SLCO1C1: variants seen among roughly 807,000 people sequenced by gnomAD.
SLCO1C1 encodes the protein OAT-RP-5.
SLCO1C1 carries 70 observed loss-of-function variants against 76.4 expected under a neutral mutation model. The ratio of observed to expected loss-of-function variants is 0.92; its 90% CI spans 0.76 to 1.12. The LOEUF is 1.12. Ranked by LOEUF, SLCO1C1 falls within the 50% of genes most tolerant of loss-of-function variation. The pLI is 0.00. For missense variants in SLCO1C1, 912 were observed against 823.8 expected, an observed-to-expected ratio of 1.11 and a Z score of -1.31; for synonymous variants, 306 against 286.1, an observed-to-expected ratio of 1.07 and a Z score of -0.70.
Position 20,752,293 on chromosome 12 carries a change from T to C in SLCO1C1, c.1917-13T>C, listed in dbSNP as rs765407179. The C allele has an allele frequency of 3.4e-6, 5 of 1,486,430 alleles. No individual in the cohort carries two copies. In the African/African-American group the frequency reaches 7.0e-5, roughly 21 times the overall value. The allele number at this position is 1,486,430 out of a possible 1,614,324, so 92.1% of individuals were successfully genotyped here. ...GTTGCATTAATTATAACAGAGATTC[T>C]CTCTTCTTCTAGACATATATATCTG... On this transcript the variant is annotated splice_polypyrimidine_tract_variant and intron_variant, in intron 14 of 14. Coordinates refer to ENST00000266509, the MANE Select transcript of SLCO1C1 (RefSeq NM_017435.5).
At chr12:20,702,752 A>T (rs1946582060) in intron 3 of SLCO1C1, among the ~76,000 whole-genome samples, 1 of 151,896 alleles carries the variant, frequency 6.6e-6, no homozygotes, top group African/African-American at 2.4e-5. Flanking sequence ...TGAGAGAAAA[A>T]CAAGGAGAAA....
At chr12:20,712,441 A>C (rs1947155479) in intron 5 of SLCO1C1, among the ~76,000 whole-genome samples, 1 of 152,082 alleles carries the variant, frequency 6.6e-6, no homozygotes, top group Non-Finnish European at 1.5e-5. Flanking sequence ...GTAGCCATGA[A>C]TTTGTCCATA....
chr12:20,725,693 G>A (rs1219746939), intron 9 of SLCO1C1, among the ~76,000 whole-genome samples: 1 of 150,184 alleles, frequency 6.7e-6, no homozygotes, highest in Non-Finnish European at 1.5e-5. Flanking sequence ...GTCAGAGGGA[G>A]AATATGTGTT....
In SLCO1C1 at chr12:20,723,046, C is replaced by A. The variant is rs755472313; in HGVS notation, c.1022-44C>A. The stretch of plus-strand genomic sequence containing the variant: ...CAGCACGGCTACTTCTTCTTCCATG[C>A]GTGACACCAACTTTAATTAGTCTAT... On this transcript the variant is annotated intron_variant, in intron 8 of 14. Coordinates refer to ENST00000266509, the MANE Select transcript of SLCO1C1 (RefSeq NM_017435.5). 3.9e-6 allele frequency: 6 copies of A among 1,547,230 alleles called. No homozygotes were observed. In the South Asian group the frequency reaches 4.7e-5, roughly 12 times the overall value.
At chr12:20,751,607 A>G (rs551009892) in intron 14 of SLCO1C1, among the ~76,000 whole-genome samples, 58 of 152,254 alleles carry the variant, frequency 3.8e-4, no homozygotes, top group Non-Finnish European at 6.3e-4. Context: ...AAGGGACCCA[A>G]TCTGTGAGTA....
chr12:20,722,632 T>C (rs1947734662), intron 8 of SLCO1C1, among the ~76,000 whole-genome samples: 1 of 152,228 alleles, frequency 6.6e-6, no homozygotes. Context: ...CCAATGCTCA[T>C]TTCTAACACT....
chr12:20,715,270 G>T lies in SLCO1C1; in HGVS notation c.661G>T (p.Ala221Ser). 6.2e-7 allele frequency: 1 copy of T among 1,613,948 alleles called. No homozygotes were observed. The highest frequency in any genetic ancestry group is 1.7e-5 in the Admixed American group (1 of 59,994). The change falls in exon 6 of 15, where the codon GCA becomes TCA. Residue 221 changes from alanine (A) to serine (S), a missense_variant. Physicochemically the swap from Ala to Ser is moderately conservative, Grantham distance 99 (BLOSUM62 1). Coordinates refer to ENST00000266509, the MANE Select transcript of SLCO1C1 (RefSeq NM_017435.5). ...YLDDFASEDN[A>S]AFYIGCVQTV... ...GGATGATTTTGCCAGTGAAGACAAT[G>T]CAGCTTTCTATATTGGTAATATTGG... is the stretch of plus-strand genomic sequence containing the variant.
intron 7 of SLCO1C1, among the ~76,000 whole-genome samples, chr12:20,717,648 C>CTTTTTTTTTTTTTTTTTTTT (rs534946900): frequency 2.4e-5 from 1 of 42,324 alleles, no homozygotes; most frequent in Non-Finnish European, 5.0e-5. Context: ...AACAGCCCTT[C>CTTTTTTTTTTTTTTTTTTTT]TTTTTTTTTT....
intron 3 of SLCO1C1, among the ~76,000 whole-genome samples, chr12:20,702,104 T>G (rs117188657): frequency 6.6e-6 from 1 of 152,050 alleles, no homozygotes; most frequent in South Asian, 2.1e-4. Context: ...GTTAGTCTGC[T>G]TCCTGAATTG....
Position 20,721,821 on chromosome 12 carries a change from C to T in SLCO1C1, c.793C>T (p.Pro265Ser). 3.1e-6 allele frequency: 5 copies of T among 1,614,090 alleles called. No individual in the cohort carries two copies. The highest frequency in any genetic ancestry group is 4.2e-6 in the Non-Finnish European group (5 of 1,180,000). Residue 265 changes from proline (P) to serine (S), a missense_variant, in exon 8 of 15, where the codon CCA (proline) becomes TCA (serine). Transcript: ENST00000266509. ...FVNLDHITIT[P>S]KDPQWVGAWW... is the part of the protein sequence containing the mutation. ...TCTTTCAGATCACATAACCATTACC[C>T]CAAAAGATCCCCAGTGGGTAGGAGC...
chr12:20,711,519 AT>A lies in SLCO1C1; in HGVS notation c.529+16del, dbSNP rs200064484. The A allele has an allele frequency of 1.9e-6, 3 of 1,611,852 alleles. No homozygotes were observed. The highest frequency in any genetic ancestry group is 2.2e-5 in the East Asian group (1 of 44,784). On this transcript the variant is annotated intron_variant, in intron 5 of 14. Coordinates refer to ENST00000266509, the MANE Select transcript of SLCO1C1 (RefSeq NM_017435.5). ...ATCCAAAATAAGTAACGGTAAGATC[AT>A]TTTTTTGACTTGACTAAACAAGCTT...
At chr12:20,744,146 C>A (rs1393037666) in intron 13 of SLCO1C1, among the ~76,000 whole-genome samples, 2 of 151,676 alleles carry the variant, frequency 1.3e-5, no homozygotes, top group African/African-American at 4.8e-5. Context: ...GAAAAAGAAA[C>A]AAAAATAGGG....
At chr12:20,744,019 G>A (rs1948933836) in intron 13 of SLCO1C1, among the ~76,000 whole-genome samples, 1 of 151,628 alleles carries the variant, frequency 6.6e-6, no homozygotes, top group Non-Finnish European at 1.5e-5. Flanking sequence ...TGTCAGAAAG[G>A]AACAACCCAG....
chr12:20,752,655 C>A lies in SLCO1C1; in HGVS notation c.*127C>A. 1 of 731,476 alleles carries A rather than the reference C, an allele frequency of 1.4e-6. No individual in the cohort carries two copies. The highest frequency in any genetic ancestry group is 2.8e-5 in the East Asian group (1 of 36,330). 45.3% of individuals were successfully genotyped at this position (731,476 alleles called of 1,614,324 possible). On this transcript the variant is annotated 3_prime_UTR_variant, in exon 15 of 15. Transcript: ENST00000266509. ...CAAAAAATGTCTACTTTGTTTTGGTCCTAGGCATTAGGTAATATAACTGAT... is the reference window on the plus strand; with the variant it reads ...CAAAAAATGTCTACTTTGTTTTGGTACTAGGCATTAGGTAATATAACTGAT...
chr12:20,747,251 AC>A (rs1281333642), intron 13 of SLCO1C1, among the ~76,000 whole-genome samples: 2 of 152,056 alleles, frequency 1.3e-5, no homozygotes, highest in South Asian at 2.1e-4. Flanking sequence ...ACATAGCTAA[AC>A]CCCAATCTCT....
rs774508836 is a variant in SLCO1C1 at position 20,740,189 on chromosome 12, T to A, written c.1554T>A (p.Phe518Leu). 6.2e-7 allele frequency: 1 copy of A among 1,609,646 alleles called. No homozygotes were observed. The highest frequency in any genetic ancestry group is 8.5e-7 in the Non-Finnish European group (1 of 1,178,694). Residue 518 changes from phenylalanine to leucine, a missense_variant, in exon 12 of 15, where the codon TTT (phenylalanine) becomes TTA (leucine). Coordinates refer to ENST00000266509, the MANE Select transcript of SLCO1C1 (RefSeq NM_017435.5). ...TSNRSGKNII[F>L]YNCTCVGIAA... ...TTTTCCCTATCGTGTTACAGATATT[T>A]TACAACTGCACTTGTGTGGGAATTG...
intron 9 of SLCO1C1, 134 bp from the exon 10 acceptor site, chr12:20,732,775 T>C: frequency 1.1e-6 from 1 of 888,646 alleles, no homozygotes. Context: ...TCATACACTC[T>C]TTGTATATGT....
rs748723485 is a variant in SLCO1C1 at position 20,733,052 on chromosome 12, G to T, written c.1330G>T (p.Ala444Ser). The T allele has an allele frequency of 1.7e-5, 28 of 1,610,294 alleles. No individual in the cohort carries two copies. In the Admixed American group the frequency reaches 3.9e-4, roughly 22 times the overall value. The change falls in exon 10 of 15, where the codon GCA (alanine) becomes TCA (serine). Residue 444 changes from alanine (A) to serine (S), a missense_variant. Ala to Ser is a moderately conservative substitution (Grantham distance 99). Transcript: ENST00000266509. ...TTACCTCCTATTTCTTTCCCTGTTT[G>T]CACTGGGCTGTGAAAATTCTGATGT... is the stretch of plus-strand genomic sequence containing the variant. ...FGYLLFLSLF[A>S]LGCENSDVAG...
Position 20,715,262 on chromosome 12 carries a change from A to C in SLCO1C1, c.653A>C (p.Glu218Ala). Reference sequence around the variant, plus strand: ...GCCTACCTGGATGATTTTGCCAGTGAAGACAATGCAGCTTTCTATATTGGT... The same window carrying C: ...GCCTACCTGGATGATTTTGCCAGTGCAGACAATGCAGCTTTCTATATTGGT... ...GIAYLDDFAS[E>A]DNAAFYIGCV... Residue 218 changes from glutamate (E) to alanine (A), a missense_variant, in exon 6 of 15, where the codon GAA becomes GCA. Glu to Ala is a moderately radical substitution (Grantham distance 107). Transcript: ENST00000266509. 6 of 1,614,060 alleles carry C rather than the reference A, an allele frequency of 3.7e-6. No homozygotes were observed. Among genetic ancestry groups the C allele is most frequent in the Non-Finnish European group, 5.1e-6 (6 of 1,179,928 alleles).
Sources: gnomAD v4.1 joint callset for allele counts (sites outside exome capture counted in the v4.1 genomes callset) on GRCh38, gnomAD v4.1.1 for gene constraint, MANE v1.5 for transcripts, NCBI Gene and HGNC (gene_info 2026-07-23, HGNC 2026-07-21) for gene names.